SPTSSB: variants seen among roughly 807,000 people sequenced by gnomAD.
SPTSSB encodes the protein serine palmitoyltransferase small subunit B.
A neutral mutation model predicts 7.7 loss-of-function variants in SPTSSB; 6 were observed. That is an observed-to-expected ratio of 0.78 (90% CI 0.43 to 1.54). The LOEUF is 1.54. SPTSSB is among the 40% of genes most tolerant of loss of function. SPTSSB has a pLI of 0.01. For synonymous variants in SPTSSB, 28 were observed against 29.7 expected (o/e 0.94, Z 0.19); for missense variants, 91 against 93.0 (o/e 0.98, Z 0.09).
chr3:161,362,217 A>G (rs1660533223), intron 1 of SPTSSB, among the ~76,000 whole-genome samples: 2 of 152,230 alleles, frequency 1.3e-5, no homozygotes, highest in South Asian at 4.1e-4. Flanking sequence ...ATTTTACTTA[A>G]AATTGCTCTT....
At chr3:161,348,515 TCAAA>T (rs1714365860) in intron 2 of SPTSSB, among the ~76,000 whole-genome samples, 1 of 151,944 alleles carries the variant, frequency 6.6e-6, no homozygotes, top group African/African-American at 2.4e-5. Context: ...CCGCTAAAAG[TCAAA>T]CAATCAATCA....
chr3:161,362,553 A>G (rs766748609), intron 1 of SPTSSB, among the ~76,000 whole-genome samples: 142 of 152,294 alleles, frequency 9.3e-4, no homozygotes, highest in Admixed American at 1.5e-3. Flanking sequence ...TTTTGATTCT[A>G]TAAACAAGAA....
intron 2 of SPTSSB, among the ~76,000 whole-genome samples, chr3:161,354,244 A>T (rs570564726): frequency 3.9e-5 from 6 of 152,364 alleles, no homozygotes; most frequent in African/African-American, 1.4e-4. Context: ...AGAAGGAAAA[A>T]GTCTCACTAA....
intron 2 of SPTSSB, among the ~76,000 whole-genome samples, chr3:161,349,380 C>A (rs1714415970): frequency 6.6e-6 from 1 of 152,142 alleles, no homozygotes; most frequent in African/African-American, 2.4e-5. Context: ...TAGATGATAG[C>A]AAACATTTTA....
chr3:161,348,684 G>A (rs955904622), intron 2 of SPTSSB, among the ~76,000 whole-genome samples: 1 of 152,166 alleles, frequency 6.6e-6, no homozygotes, highest in South Asian at 2.1e-4. Flanking sequence ...CATTTAAGCA[G>A]TTAAGATTAA....
chr3:161,361,849 C>T (rs796417152), intron 1 of SPTSSB, among the ~76,000 whole-genome samples: 2 of 152,140 alleles, frequency 1.3e-5, no homozygotes, highest in African/African-American at 4.8e-5. Context: ...AAGAATTCAC[C>T]CCGAAGGAAG....
intron 2 of SPTSSB, among the ~76,000 whole-genome samples, chr3:161,357,932 C>G (rs185985804): frequency 6.6e-6 from 1 of 152,026 alleles, no homozygotes. Context: ...TGTTTTAAGC[C>G]GCTAAATCTG....
chr3:161,360,979 G>A lies in SPTSSB; in HGVS notation c.-125-1085C>T, dbSNP rs1015934765. On this transcript the variant is annotated intron_variant, in intron 1 of 2. Transcript: ENST00000620149. ...AATATGGTGTCACAGATGAGAAAAA[G>A]GGGATATGGCTTCTGGCTTTGATTA... Among the ~76,000 whole-genome samples the A allele has an allele frequency of 3.9e-5, 6 of 152,136 alleles. 1 individual carries two copies. Among genetic ancestry groups the A allele is most frequent in the East Asian group, 1.9e-4 (1 of 5,182 alleles).
At chr3:161,368,429 CTTTT>C (rs35828837) in intron 1 of SPTSSB, among the ~76,000 whole-genome samples, 3 of 134,778 alleles carry the variant, frequency 2.2e-5, no homozygotes, top group Admixed American at 1.5e-4. Flanking sequence ...ATCTTACCTT[CTTTT>C]TTTTTTTTTT....
intron 1 of SPTSSB, among the ~76,000 whole-genome samples, chr3:161,364,562 T>A (rs868766008): frequency 2.1e-4 from 32 of 151,960 alleles, no homozygotes; most frequent in Middle Eastern, 3.2e-3. Context: ...CTAATTTTGA[T>A]TAAAGGTCAC....
At chr3:161,354,433 C>T (rs761468449) in intron 2 of SPTSSB, among the ~76,000 whole-genome samples, 4 of 152,202 alleles carry the variant, frequency 2.6e-5, no homozygotes, top group Non-Finnish European at 4.4e-5. Context: ...CCTTGAACTC[C>T]GGGGCTCAAG....
chr3:161,371,504 G>A lies in SPTSSB; in HGVS notation c.-195C>T. ...GCTTTGGCTCCTCCCCAGCTGCTGCGAGCTTCCCACTGCGCCGGGCGCCTG... is the reference window on the plus strand; with the variant it reads ...GCTTTGGCTCCTCCCCAGCTGCTGCAAGCTTCCCACTGCGCCGGGCGCCTG... On this transcript the variant is annotated 5_prime_UTR_variant, in exon 1 of 3. Coordinates refer to ENST00000620149, the MANE Select transcript of SPTSSB (RefSeq NM_001040100.2). 10 of 985,488 alleles carry A rather than the reference G, an allele frequency of 1.0e-5. No individual in the cohort carries two copies. Among genetic ancestry groups the A allele is most frequent in the Non-Finnish European group, 1.2e-5 (10 of 830,012 alleles). The allele number at this position is 985,488 out of a possible 1,614,324, so 61.0% of individuals were successfully genotyped here.
At chr3:161,367,215 G>A (rs1262264448) in intron 1 of SPTSSB, among the ~76,000 whole-genome samples, 1 of 152,102 alleles carries the variant, frequency 6.6e-6, no homozygotes, top group African/African-American at 2.4e-5. Flanking sequence ...TAAATAAATT[G>A]CTGGACATTA....
chr3:161,346,407 T>G, intron 2 of SPTSSB, 52 bp from the exon 3 acceptor site: 1 of 867,848 alleles, frequency 1.2e-6, no homozygotes, highest in Non-Finnish European at 1.9e-6. Context: ...ATAGAATCAC[T>G]TTAAAATTTC....
At chr3:161,365,046 G>A (rs2108167746) in intron 1 of SPTSSB, among the ~76,000 whole-genome samples, 1 of 152,250 alleles carries the variant, frequency 6.6e-6, no homozygotes, top group Admixed American at 6.5e-5. Context: ...TGAAAGAGCA[G>A]GGATACAATA....
At chr3:161,370,068 T>A (rs1220943237) in intron 1 of SPTSSB, among the ~76,000 whole-genome samples, 1 of 152,222 alleles carries the variant, frequency 6.6e-6, no homozygotes, top group East Asian at 1.9e-4. Context: ...GATCATTTTT[T>A]ATGAATATTT....
chr3:161,356,142 A>G (rs1714762807), intron 2 of SPTSSB, among the ~76,000 whole-genome samples: 1 of 152,130 alleles, frequency 6.6e-6, no homozygotes, highest in South Asian at 2.1e-4. Context: ...ACCCCCAAGA[A>G]CCTTCTTGAG....
At chr3:161,349,339 T>C (rs1714413500) in intron 2 of SPTSSB, among the ~76,000 whole-genome samples, 1 of 152,182 alleles carries the variant, frequency 6.6e-6, no homozygotes, top group Non-Finnish European at 1.5e-5. Context: ...GACAGAAATA[T>C]GAAATTAATT....
chr3:161,357,410 A>G (rs1446441106), intron 2 of SPTSSB, among the ~76,000 whole-genome samples: 1 of 152,216 alleles, frequency 6.6e-6, no homozygotes, highest in Non-Finnish European at 1.5e-5. Context: ...TCCCAGCCAT[A>G]TGGCTACCTA....
Sources: allele counts gnomAD v4.1 joint callset (sites outside exome capture counted in the v4.1 genomes callset), GRCh38; gene constraint gnomAD v4.1.1; transcripts MANE v1.5; gene names NCBI Gene and HGNC (gene_info 2026-07-23, HGNC 2026-07-21).